HOOK1: variants seen among roughly 807,000 people sequenced by gnomAD.
HOOK1 encodes protein Hook homolog 1.
A neutral mutation model predicts 112.8 loss-of-function variants in HOOK1; 60 were observed. The observed-to-expected ratio is 0.53, with a 90% CI of 0.43 to 0.66. The LOEUF is 0.66. Ranked by LOEUF, HOOK1 falls within the 30% of genes least tolerant of loss-of-function variation. HOOK1 has a pLI of 0.00. For missense variants in HOOK1, 770 were observed against 856.0 expected, an observed-to-expected ratio of 0.90 and a Z score of 1.25; for synonymous variants, 294 against 283.8, an observed-to-expected ratio of 1.04 and a Z score of -0.36.
At chr1:59,835,716 CG>C (rs1461951624) in intron 6 of HOOK1, among the ~76,000 whole-genome samples, 2 of 152,036 alleles carry the variant, frequency 1.3e-5, no homozygotes, top group South Asian at 2.1e-4. Flanking sequence ...TCCACAGACC[CG>C]GGGTGGCGGG....
rs544030405 is a variant in HOOK1, at chr1:59,840,260, T to C, written c.538-48T>C. On this transcript the variant is annotated intron_variant, in intron 7 of 21. Transcript: ENST00000371208. ...AGTATATTTTTCTATTTTTCTATAT[T>C]TGTGTCAAAACACGATTTACTAAGA... 332 of 1,294,866 alleles carry C rather than the reference T, an allele frequency of 2.6e-4. 2 individuals carry two copies. In the South Asian group the frequency reaches 4.9e-3, roughly 19 times the overall value. 80.2% of individuals were successfully genotyped at this position (1,294,866 alleles called of 1,614,324 possible).
intron 12 of HOOK1, among the ~76,000 whole-genome samples, chr1:59,852,297 T>C (rs982751545): frequency 6.6e-6 from 1 of 151,844 alleles, no homozygotes; most frequent in Admixed American, 6.6e-5. Flanking sequence ...AGGAAGTTAA[T>C]AAATTACTAA....
rs2098396842 is a variant in HOOK1 at position 59,835,361 on chromosome 1, A to C, written c.423A>C (p.Ile141=). The change falls in exon 6 of 22, where the codon ATA becomes ATC. Residue 141 remains isoleucine, a synonymous_variant. Coordinates refer to ENST00000371208, the MANE Select transcript of HOOK1 (RefSeq NM_015888.6). The part of the protein sequence containing the change: ...CEKKQEHIQN[I]MTLEESVQHV... Reference sequence around the variant, plus strand: ...AAATCATAGAACATATTCAAAATATAATGACACTGGAAGAGTCTGTTCAAC... The same window carrying C: ...AAATCATAGAACATATTCAAAATATCATGACACTGGAAGAGTCTGTTCAAC... 2.5e-6 allele frequency: 4 copies of C among 1,584,150 alleles called. No individual in the cohort carries two copies. The highest frequency in any genetic ancestry group is 3.5e-6 in the Non-Finnish European group (4 of 1,153,978).
At chr1:59,858,871 A>C in intron 13 of HOOK1, 114 bp from the exon 14 acceptor site, 1 of 542,610 alleles carries the variant, frequency 1.8e-6, no homozygotes, top group South Asian at 2.1e-5. Context: ...TTTTGGACAG[A>C]GAGAGACCCT....
intron 15 of HOOK1, among the ~76,000 whole-genome samples, chr1:59,862,053 C>G (rs150053748): frequency 6.6e-6 from 1 of 152,150 alleles, no homozygotes; most frequent in African/African-American, 2.4e-5. Flanking sequence ...TTACATATTA[C>G]TATCTTATTC....
intron 17 of HOOK1, chr1:59,864,897 A>T (rs1643932972): frequency 1.8e-6 from 1 of 554,260 alleles, no homozygotes; most frequent in African/African-American, 1.9e-5. Context: ...AAAAAAACAG[A>T]TTAACTATCA....
intron 1 of HOOK1, among the ~76,000 whole-genome samples, chr1:59,820,319 G>A (rs931327555): frequency 1.3e-5 from 2 of 152,120 alleles, no homozygotes; most frequent in Non-Finnish European, 2.9e-5. Flanking sequence ...ACCATCTTGT[G>A]AGGTAGAAAC....
intron 15 of HOOK1, among the ~76,000 whole-genome samples, chr1:59,861,022 C>A (rs1478502792): frequency 1.3e-5 from 2 of 152,042 alleles, no homozygotes; most frequent in African/African-American, 4.8e-5. Context: ...ATGATCCACC[C>A]ACCCTGGCCT....
intron 12 of HOOK1, among the ~76,000 whole-genome samples, chr1:59,855,823 A>G (rs2098410153): frequency 6.7e-6 from 1 of 149,226 alleles, no homozygotes; most frequent in Non-Finnish European, 1.5e-5. Flanking sequence ...TCCAGGCTGG[A>G]GTGCAGTGGC....
chr1:59,863,577 A>C (rs550577049), intron 16 of HOOK1, among the ~76,000 whole-genome samples: 1 of 152,272 alleles, frequency 6.6e-6, no homozygotes, highest in African/African-American at 2.4e-5. Context: ...AGAGAAAAAG[A>C]AGTAATGATT....
At chr1:59,829,167 G>A (rs1273726616) in intron 3 of HOOK1, among the ~76,000 whole-genome samples, 1 of 151,886 alleles carries the variant, frequency 6.6e-6, no homozygotes, top group Non-Finnish European at 1.5e-5. Flanking sequence ...CATATAATAT[G>A]TACTCTTTTT....
intron 12 of HOOK1, among the ~76,000 whole-genome samples, chr1:59,852,745 G>A (rs2098407861): frequency 2.0e-5 from 3 of 149,956 alleles, no homozygotes; most frequent in Admixed American, 1.3e-4. Flanking sequence ...TTATTGATTT[G>A]GAATTTTTCT....
rs1418531511 is a variant in HOOK1, at chr1:59,816,616, CTG to C, written c.63+1438_63+1439del. Among the ~76,000 whole-genome samples the C allele has an allele frequency of 5.9e-5, 9 of 152,330 alleles. No homozygotes were observed. In the Middle Eastern group the frequency reaches 0.01, roughly 173 times the overall value. On this transcript the variant is annotated intron_variant, in intron 1 of 21. Coordinates refer to ENST00000371208, the MANE Select transcript of HOOK1 (RefSeq NM_015888.6). ...TGTAATATTTTAAAATATTATGTGA[CTG>C]TATCCACTCTTTTAACCAGAATTTA...
intron 8 of HOOK1, among the ~76,000 whole-genome samples, chr1:59,842,520 A>T (rs140673718): frequency 6.6e-6 from 1 of 152,108 alleles, no homozygotes; most frequent in Non-Finnish European, 1.5e-5. Context: ...ACTTGCCTAT[A>T]TACTGTGTTC....
At chr1:59,849,046 C>T (rs2102045474) in intron 11 of HOOK1, 27 bp from the exon 12 acceptor site, 5 of 1,462,120 alleles carry the variant, frequency 3.4e-6, no homozygotes, top group Non-Finnish European at 4.7e-6. Context: ...TTTTAAGGAC[C>T]TTTTTTCCTT....
At chr1:59,820,969 A>G (rs984923835) in intron 1 of HOOK1, among the ~76,000 whole-genome samples, 1 of 152,212 alleles carries the variant, frequency 6.6e-6, no homozygotes, top group East Asian at 1.9e-4. Context: ...GCCAACTCTG[A>G]AAATGCACAG....
intron 20 of HOOK1, chr1:59,870,783 G>T (rs1363137082): frequency 6.7e-6 from 2 of 299,098 alleles, no homozygotes; most frequent in African/African-American, 4.4e-5. Context: ...ATCACTAGTT[G>T]TGTATATGTA....
At chr1:59,825,201 A>G (rs2098388967) in intron 2 of HOOK1, among the ~76,000 whole-genome samples, 1 of 152,228 alleles carries the variant, frequency 6.6e-6, no homozygotes, top group African/African-American at 2.4e-5. Context: ...TATTACATAC[A>G]TGAAGACCTT....
intron 2 of HOOK1, among the ~76,000 whole-genome samples, chr1:59,826,796 C>T (rs1006037127): frequency 6.6e-6 from 1 of 152,152 alleles, no homozygotes; most frequent in Non-Finnish European, 1.5e-5. Flanking sequence ...GAGTTTCGCT[C>T]TTGTTGCCCA....
Sources: allele counts gnomAD v4.1 joint callset (sites outside exome capture counted in the v4.1 genomes callset), GRCh38; gene constraint gnomAD v4.1.1; transcripts MANE v1.5; gene names NCBI Gene and HGNC (gene_info 2026-07-23, HGNC 2026-07-21).